ANO2: variants seen among roughly 807,000 people sequenced by gnomAD.
ANO2 encodes the protein anoctamin-2.
ANO2 carries 101 observed loss-of-function variants against 124.2 expected under a neutral mutation model. That is an observed-to-expected ratio of 0.81 (90% CI 0.69 to 0.96). The LOEUF (loss-of-function observed/expected upper bound fraction) is 0.96, where lower values mean the gene tolerates loss of function less well. Ranked by LOEUF, ANO2 falls within the 40% of genes least tolerant of loss-of-function variation. The probability of loss-of-function intolerance (pLI) is 0.00; values close to 1 mark genes in which losing one functional copy is unlikely to be tolerated. For missense variants in ANO2, 1,293 were observed against 1,274.5 expected, an observed-to-expected ratio of 1.01 and a Z score of -0.22; for synonymous variants, 486 against 482.5, an observed-to-expected ratio of 1.01 and a Z score of -0.09.
chr12:5,827,919 G>A (rs1430262565), intron 6 of ANO2, 99 bp from the exon 7 acceptor site: 3 of 1,328,354 alleles, frequency 2.3e-6, no homozygotes, highest in African/African-American at 1.5e-5. Context: ...GGAGGCGCCC[G>A]GGCTCATTTG....
chr12:5,796,101 T>A (rs1952836057), intron 10 of ANO2, among the ~76,000 whole-genome samples: 1 of 152,072 alleles, frequency 6.6e-6, no homozygotes, highest in Non-Finnish European at 1.5e-5. Context: ...TGGATACCTC[T>A]CTAGGGAACT....
In ANO2 at chr12:5,635,758, C is replaced by A. The variant is rs566576725; in HGVS notation, c.1621-411G>T. On this transcript the variant is annotated intron_variant, in intron 15 of 24. Coordinates refer to ENST00000682330, the MANE Select transcript of ANO2 (RefSeq NM_001364791.2). This position sits in a 1 kb window ranked among gnomAD's most constrained non-coding sequence, Gnocchi z 5.2. ...TTAAATAAACCATAGTAAATAATGC[C>A]CAAGAAGGTATTAAGTGCTAAATGA... Among the ~76,000 whole-genome samples, 115 of 151,934 alleles carry A rather than the reference C, an allele frequency of 7.6e-4. 1 individual carries two copies. The highest frequency in any genetic ancestry group is 2.7e-3 in the African/African-American group (110 of 41,398).
At chr12:5,703,339 T>C (rs1230086187) in intron 14 of ANO2, among the ~76,000 whole-genome samples, 4 of 151,970 alleles carry the variant, frequency 2.6e-5, no homozygotes, top group African/African-American at 9.7e-5. Flanking sequence ...TACAAAAATA[T>C]GAAAATGGTA....
intron 16 of ANO2, among the ~76,000 whole-genome samples, chr12:5,625,052 GA>G (rs1945327896): frequency 6.6e-6 from 1 of 152,212 alleles, no homozygotes; most frequent in South Asian, 2.1e-4. Context: ...CTGGGAGGGG[GA>G]ATTGGAGAGG....
intron 2 of ANO2, among the ~76,000 whole-genome samples, chr12:5,922,172 T>C (rs1242641427): frequency 2.0e-5 from 3 of 152,102 alleles, no homozygotes; most frequent in Non-Finnish European, 4.4e-5. Context: ...GAGAACACGA[T>C]GAAGCAGGGG....
chr12:5,801,170 C>T (rs1242270449), intron 9 of ANO2, among the ~76,000 whole-genome samples: 2 of 152,124 alleles, frequency 1.3e-5, no homozygotes, highest in East Asian at 1.9e-4. Context: ...AAGAGTGGCT[C>T]CAGGAGAGGG....
intron 3 of ANO2, among the ~76,000 whole-genome samples, chr12:5,911,153 T>G (rs1334974403): frequency 4.6e-5 from 7 of 152,132 alleles, no homozygotes; most frequent in African/African-American, 1.7e-4. Context: ...TATTTGATTC[T>G]CCCAGGTCAG....
At chr12:5,569,692 A>G (rs547061426) in intron 23 of ANO2, among the ~76,000 whole-genome samples, 41 of 152,262 alleles carry the variant, frequency 2.7e-4, no homozygotes, top group African/African-American at 8.9e-4. Context: ...AGCTGTCTCA[A>G]TCCCAGCCAG....
At chr12:5,617,242 C>T (rs1444349720) in intron 16 of ANO2, among the ~76,000 whole-genome samples, 1 of 151,758 alleles carries the variant, frequency 6.6e-6, no homozygotes, top group Non-Finnish European at 1.5e-5. Flanking sequence ...CAATTCACAC[C>T]ATACCAAACT....
At chr12:5,871,925 T>C (rs1205547491) in intron 3 of ANO2, among the ~76,000 whole-genome samples, 1 of 152,188 alleles carries the variant, frequency 6.6e-6, no homozygotes, top group Non-Finnish European at 1.5e-5. Context: ...TCAGAATCTT[T>C]CACAGGCCTT....
Position 5,582,828 on chromosome 12 carries a change from T to A in ANO2, c.2234-4310A>T, listed in dbSNP as rs1361731779. Among the ~76,000 whole-genome samples the A allele has an allele frequency of 3.9e-5, 6 of 152,198 alleles. No individual in the cohort carries two copies. In the East Asian group the frequency reaches 1.2e-3, roughly 29 times the overall value. On this transcript the variant is annotated intron_variant, in intron 20 of 24. Transcript: ENST00000682330. ...TAATTTTCCTTTTCTTCTGGTCGGC[T>A]GAGTAGGATGCTATTCATCTCTCAG...
At chr12:5,661,799 C>A (rs959584172) in intron 14 of ANO2, among the ~76,000 whole-genome samples, 2 of 152,208 alleles carry the variant, frequency 1.3e-5, no homozygotes, top group African/African-American at 4.8e-5. Context: ...GCTTCACGGG[C>A]AATGCTGGGA....
At chr12:5,678,175 T>A (rs10849318) in intron 14 of ANO2, among the ~76,000 whole-genome samples, 1 of 152,078 alleles carries the variant, frequency 6.6e-6, no homozygotes, top group Admixed American at 6.6e-5. Flanking sequence ...GCTGGCAGAT[T>A]TTTACATGTA....
At chr12:5,848,233 G>A (rs575490849) in intron 4 of ANO2, among the ~76,000 whole-genome samples, 109 of 152,126 alleles carry the variant, frequency 7.2e-4, no homozygotes, top group Non-Finnish European at 1.3e-3. Flanking sequence ...TCCTATAGAC[G>A]ACTGTGAGCC....
At chr12:5,742,983 G>A (rs765271997) in intron 12 of ANO2, among the ~76,000 whole-genome samples, 7 of 151,924 alleles carry the variant, frequency 4.6e-5, no homozygotes, top group African/African-American at 1.7e-4. Context: ...CTCCCGGGAC[G>A]CAGCTGCTCT....
intron 9 of ANO2, among the ~76,000 whole-genome samples, chr12:5,803,252 T>C (rs1333631787): frequency 6.6e-6 from 1 of 152,154 alleles, no homozygotes; most frequent in Admixed American, 6.5e-5. Context: ...CCCACCTCTC[T>C]AGGTCTCAGC....
chr12:5,575,830 T>G lies in ANO2; in HGVS notation c.2621+4A>C. The G allele has an allele frequency of 6.2e-7, 1 of 1,613,298 alleles. No homozygotes were observed. Among genetic ancestry groups the G allele is most frequent in the Non-Finnish European group, 8.5e-7 (1 of 1,179,502 alleles). ...TGCTGCCCTTCTCCTGAAGATTACT[T>G]TACCTGCAGAACTGAACCTCCTGGT... On this transcript the variant is annotated splice_donor_region_variant and intron_variant, in intron 23 of 24. Transcript: ENST00000682330.
At chr12:5,877,277 T>G (rs982707330) in intron 3 of ANO2, among the ~76,000 whole-genome samples, 3 of 151,296 alleles carry the variant, frequency 2.0e-5, no homozygotes, top group African/African-American at 7.3e-5. Flanking sequence ...GAGATTGGAG[T>G]GAAGGACTGC....
At chr12:5,874,130 A>G (rs1479253075) in intron 3 of ANO2, among the ~76,000 whole-genome samples, 1 of 152,218 alleles carries the variant, frequency 6.6e-6, no homozygotes, top group Non-Finnish European at 1.5e-5. Context: ...GAATCATAAA[A>G]GAGGCTAGGA....
Sources: gnomAD v4.1 joint callset for allele counts (sites outside exome capture counted in the v4.1 genomes callset) on GRCh38, gnomAD v4.1.1 for gene constraint, Gnocchi (gnomAD v3.1) non-coding constraint, MANE v1.5 for transcripts, NCBI Gene and HGNC (gene_info 2026-07-23, HGNC 2026-07-21) for gene names.